Variants in COPZ2 observed in about 807,000 individuals in gnomAD.
COPZ2 encodes coat protein complex I subunit zeta 2.
A neutral mutation model predicts 33.2 loss-of-function variants in COPZ2; 30 were observed. The ratio of observed to expected loss-of-function variants is 0.90; its 90% CI spans 0.68 to 1.23. The LOEUF (loss-of-function observed/expected upper bound fraction) is 1.23, where lower values mean the gene tolerates loss of function less well. Ranked by LOEUF, COPZ2 falls within the 50% of genes most tolerant of loss-of-function variation. The pLI is 0.00. For missense variants in COPZ2, 263 were observed against 262.4 expected (o/e 1.00, Z -0.02); for synonymous variants, 89 against 102.6 (o/e 0.87, Z 0.80).
intron 6 of COPZ2, among the ~76,000 whole-genome samples, chr17:48,030,703 G>C (rs2036883226): frequency 6.6e-6 from 1 of 152,238 alleles, no homozygotes; most frequent in African/African-American, 2.4e-5. Context: ...CTCCCGACTG[G>C]CGCTTCCCCA....
Position 48,028,615 on chromosome 17 carries a change from G to A in COPZ2, c.547-105C>T, listed in dbSNP as rs2036849233. 1.9e-6 allele frequency: 2 copies of A among 1,053,532 alleles called. No homozygotes were observed. The highest frequency in any genetic ancestry group is 2.8e-6 in the Non-Finnish European group (2 of 712,682). The allele number at this position is 1,053,532 out of a possible 1,614,324, so 65.3% of individuals were successfully genotyped here. ...GGGGTATGGGTGAGGTGGTGCAGTG[G>A]TTAGGGTGATTCAGAGCTGCACCTG... On this transcript the variant is annotated intron_variant, in intron 7 of 8. Coordinates refer to ENST00000621465, the MANE Select transcript of COPZ2 (RefSeq NM_016429.4). The surrounding 1 kb of genome is among the most constrained non-coding windows in gnomAD (Gnocchi z 4.5).
At position 48,028,852 on chromosome 17, in the gene COPZ2, G is replaced by A. The variant is rs1027275249; in HGVS notation, c.546+273C>T. 1.3e-5 allele frequency among the ~76,000 whole-genome samples: 2 copies of A among 152,128 alleles called. No individual in the cohort carries two copies. Among genetic ancestry groups the A allele is most frequent in the African/African-American group, 4.8e-5 (2 of 41,418 alleles). ...CAAGGCAGCCACCTAGTGCCTCTTT[G>A]AAGATGTATTTATTTCCCCAGTCTA... On this transcript the variant is annotated intron_variant, in intron 7 of 8. Transcript: ENST00000621465. This position sits in a 1 kb window ranked among gnomAD's most constrained non-coding sequence, Gnocchi z 4.5.
At chr17:48,032,621 G>A in intron 5 of COPZ2, 65 bp downstream of exon 5, 1 of 1,260,080 alleles carries the variant, frequency 7.9e-7, no homozygotes, top group Non-Finnish European at 1.1e-6. Flanking sequence ...AAACAGGGAG[G>A]AAGGGTCCTG....
intron 8 of COPZ2, chr17:48,027,837 G>A (rs1018183901): frequency 2.0e-5 from 3 of 152,390 alleles, no homozygotes; most frequent in African/African-American, 4.8e-5. Flanking sequence ...TGAACTAGCA[G>A]GAAGTTTGTG....
At chr17:48,035,753 CTTTTT>C (rs368011148) in intron 2 of COPZ2, among the ~76,000 whole-genome samples, 2 of 131,508 alleles carry the variant, frequency 1.5e-5, no homozygotes, top group African/African-American at 2.8e-5. Flanking sequence ...TTTTTCTTTT[CTTTTT>C]TTTTTTTTTT....
chr17:48,037,979 T>G, upstream of COPZ2: 2 of 542,432 alleles, frequency 3.7e-6, no homozygotes, highest in Non-Finnish European at 4.7e-6. The surrounding 1 kb of genome is among the most constrained non-coding windows in gnomAD (Gnocchi z 5.6). Context: ...CTCTCCTCCT[T>G]GGCTCCTTCC....
intron 4 of COPZ2, 190 bp downstream of exon 4, chr17:48,033,021 G>A: frequency 1.7e-6 from 1 of 598,444 alleles, no homozygotes; most frequent in African/African-American, 1.9e-5. Context: ...GGTTCCCAAG[G>A]AAACTAAGGG....
upstream of COPZ2, among the ~76,000 whole-genome samples, chr17:48,041,239 T>C (rs191474786): frequency 1.3e-5 from 2 of 151,992 alleles, no homozygotes; most frequent in East Asian, 3.9e-4. Flanking sequence ...TTCTAGCCAC[T>C]GGGACACAAT....
intron 3 of COPZ2, 144 bp downstream of exon 3, chr17:48,033,719 C>CAAAA (rs2036935065): frequency 3.2e-5 from 21 of 655,890 alleles, no homozygotes; most frequent in South Asian, 1.1e-4. Context: ...GAGTGGAGAA[C>CAAAA]AGCAGGGAAG....
chr17:48,047,249 G>C, the COPZ2 span: 1 of 152,268 alleles, frequency 6.6e-6, no homozygotes, highest in East Asian at 1.9e-4. Context: ...CAGTTGAGTT[G>C]ACACCTCTTT....
chr17:48,041,072 C>T (rs2037056523), upstream of COPZ2, among the ~76,000 whole-genome samples: 1 of 149,318 alleles, frequency 6.7e-6, no homozygotes, highest in South Asian at 2.1e-4. Context: ...GAATCATTTG[C>T]ACCCAGGAGG....
In COPZ2 at chr17:48,037,446, G is replaced by C. The variant is rs2037006361; in HGVS notation, c.111+221C>G. Among the ~76,000 whole-genome samples, 1 of 152,166 alleles carries C rather than the reference G, an allele frequency of 6.6e-6. No individual in the cohort carries two copies. Among genetic ancestry groups the C allele is most frequent in the Non-Finnish European group, 1.5e-5 (1 of 68,024 alleles). ...CTCACCCGCCACCCCCACTCCAAAC[G>C]GACCCAGAACTTCAGCCCCGCGCCG... On this transcript the variant is annotated intron_variant, in intron 1 of 8. Transcript: ENST00000621465. The surrounding 1 kb of genome is among the most constrained non-coding windows in gnomAD (Gnocchi z 5.6).
chr17:48,041,999 T>C (rs1293933130), upstream of COPZ2, among the ~76,000 whole-genome samples: 2 of 151,962 alleles, frequency 1.3e-5, no homozygotes, highest in Admixed American at 1.3e-4. Context: ...AGGAGTCAGT[T>C]ATACACGTTA....
chr17:48,031,496 A>G (rs1460359540), intron 6 of COPZ2: 2 of 151,720 alleles, frequency 1.3e-5, no homozygotes, highest in Non-Finnish European at 2.9e-5. Flanking sequence ...CCTTTGCCCC[A>G]GAGCCAGAAC....
Position 48,037,604 on chromosome 17 carries a change from A to G in COPZ2, c.111+63T>C. ...GAGTTCTGAGTTGGCTGCTCCCCCTAACCCTGCTCTGTCCCTGCCCAGCTC... is the reference window on the plus strand; with the variant it reads ...GAGTTCTGAGTTGGCTGCTCCCCCTGACCCTGCTCTGTCCCTGCCCAGCTC... On this transcript the variant is annotated intron_variant, in intron 1 of 8. Transcript: ENST00000621465. The surrounding 1 kb of genome is among the most constrained non-coding windows in gnomAD (Gnocchi z 5.6). 9.6e-7 allele frequency: 1 copy of G among 1,047,046 alleles called. No homozygotes were observed. Among genetic ancestry groups the G allele is most frequent in the Non-Finnish European group, 1.2e-6 (1 of 868,148 alleles). 64.9% of individuals were successfully genotyped at this position (1,047,046 alleles called of 1,614,324 possible). A position where few individuals can be genotyped will look rare whatever the true frequency, so the allele number is the denominator to read the frequency against.
At chr17:48,043,205 C>G in the COPZ2 span, among the ~76,000 whole-genome samples, 1 of 152,222 alleles carries the variant, frequency 6.6e-6, no homozygotes, top group Non-Finnish European at 1.5e-5. Flanking sequence ...GTGCACATCC[C>G]TACCCAGCTG....
chr17:48,026,246 G>C lies in COPZ2; in HGVS notation c.*182C>G. ...ATATGAGTTAAGGCCAGGGCCGTGA[G>C]AAAAGGTGACTCTCCTGAGGCCAAA... is the stretch of plus-strand genomic sequence containing the variant. On this transcript the variant is annotated 3_prime_UTR_variant, in exon 9 of 9. Transcript: ENST00000621465. 1 of 595,498 alleles carries C rather than the reference G, an allele frequency of 1.7e-6. No homozygotes were observed. Among genetic ancestry groups the C allele is most frequent in the South Asian group, 2.1e-5 (1 of 47,906 alleles). 36.9% of individuals were successfully genotyped at this position (595,498 alleles called of 1,614,324 possible). A position where few individuals can be genotyped will look rare whatever the true frequency, so the allele number is the denominator to read the frequency against.
chr17:48,028,431 T>A lies in COPZ2; in HGVS notation c.585+41A>T. ...TAGGATGCTCTGCTCCCCGTATCTC[T>A]CTAGACCATTTCTAGCCAAGGCAGA... On this transcript the variant is annotated intron_variant, in intron 8 of 8. Transcript: ENST00000621465. This position sits in a 1 kb window ranked among gnomAD's most constrained non-coding sequence, Gnocchi z 4.5. The A allele has an allele frequency of 6.3e-7, 1 of 1,597,072 alleles. No homozygotes were observed. Among genetic ancestry groups the A allele is most frequent in the Non-Finnish European group, 8.5e-7 (1 of 1,171,120 alleles).
upstream of COPZ2, among the ~76,000 whole-genome samples, chr17:48,039,482 AAAG>A (rs1215259537): frequency 7.9e-3 from 1,191 of 151,272 alleles, 17 homozygotes; most frequent in African/African-American, 0.026. Flanking sequence ...AAAAAAAAAA[AAAG>A]AAGAAGAAGA....
Sources: allele counts gnomAD v4.1 joint callset (sites outside exome capture counted in the v4.1 genomes callset), GRCh38; gene constraint gnomAD v4.1.1; non-coding constraint Gnocchi (gnomAD v3.1); transcripts MANE v1.5; gene names NCBI Gene and HGNC (gene_info 2026-07-23, HGNC 2026-07-21).